GRHL2: variants seen among roughly 807,000 people sequenced by gnomAD.
GRHL2 encodes the protein grainyhead-like protein 2 homolog.
Under a neutral mutation model 83.8 loss-of-function variants are expected in GRHL2, and 21 were observed. That is an observed-to-expected ratio of 0.25 (90% CI 0.18 to 0.36). The LOEUF is 0.36. Ranked by LOEUF, GRHL2 falls within the 10% of genes least tolerant of loss-of-function variation. GRHL2 has a pLI of 1.00. For synonymous variants in GRHL2, 280 were observed against 278.9 expected (o/e 1.00, Z -0.04); for missense variants, 623 against 781.8 (o/e 0.80, Z 2.42).
intron 4 of GRHL2, chr8:101,561,995 AT>A: frequency 1.3e-6 from 1 of 752,276 alleles, no homozygotes; most frequent in African/African-American, 1.7e-5. Context: ...GGTTACAGAG[AT>A]TTTTAAGAAG....
intron 9 of GRHL2, among the ~76,000 whole-genome samples, chr8:101,624,145 A>G (rs962320383): frequency 3.3e-5 from 5 of 151,344 alleles, no homozygotes; most frequent in Non-Finnish European, 7.4e-5. Flanking sequence ...GACAGTTCAC[A>G]GTAGGACAGT....
downstream of GRHL2, among the ~76,000 whole-genome samples, chr8:101,673,764 GCACCA>G (rs1814247333): frequency 6.6e-6 from 1 of 151,790 alleles, no homozygotes; most frequent in African/African-American, 2.4e-5. Context: ...ATTTTTTTCA[GCACCA>G]CACCACACCT....
chr8:101,597,313 G>T (rs913267264), intron 7 of GRHL2, among the ~76,000 whole-genome samples: 1 of 152,112 alleles, frequency 6.6e-6, no homozygotes, highest in African/African-American at 2.4e-5. Context: ...GTAAACTGTG[G>T]CGACAGTCCC....
chr8:101,530,693 T>TTAGAGAGTA (rs1810905537), intron 1 of GRHL2, among the ~76,000 whole-genome samples: 2 of 152,200 alleles, frequency 1.3e-5, no homozygotes, highest in Non-Finnish European at 2.9e-5. Context: ...TGATATGTAC[T>TTAGAGAGTA]CTCTAGATTG....
At chr8:101,519,792 C>T (rs1253060833) in intron 1 of GRHL2, among the ~76,000 whole-genome samples, 2 of 152,036 alleles carry the variant, frequency 1.3e-5, no homozygotes, top group East Asian at 3.8e-4. Flanking sequence ...TATGCATATA[C>T]AGATAAAAGG....
intron 8 of GRHL2, among the ~76,000 whole-genome samples, chr8:101,617,647 G>A (rs1812882753): frequency 1.3e-5 from 2 of 152,248 alleles, no homozygotes; most frequent in Admixed American, 6.5e-5. Flanking sequence ...TGGGACTACA[G>A]GGATGCACCA....
chr8:101,587,857 C>G (rs1471630009), intron 7 of GRHL2, among the ~76,000 whole-genome samples: 1 of 152,228 alleles, frequency 6.6e-6, no homozygotes, highest in Non-Finnish European at 1.5e-5. Context: ...GTTTCTCTCC[C>G]TGTGGCCTTC....
intron 7 of GRHL2, among the ~76,000 whole-genome samples, chr8:101,587,690 C>T (rs1300460117): frequency 6.6e-6 from 1 of 152,082 alleles, no homozygotes; most frequent in African/African-American, 2.4e-5. Context: ...AAACTTCAGG[C>T]ACTCTCATAG....
At chr8:101,562,177 C>G (rs1460073851) in intron 4 of GRHL2, 1 of 615,360 alleles carries the variant, frequency 1.6e-6, no homozygotes, top group East Asian at 3.3e-5. Flanking sequence ...ATAAATTTAG[C>G]TTGGCGTTTC....
chr8:101,502,905 A>C (rs1810260365), intron 1 of GRHL2, among the ~76,000 whole-genome samples: 1 of 151,872 alleles, frequency 6.6e-6, no homozygotes, highest in Admixed American at 6.6e-5. Flanking sequence ...ATTCACAGAC[A>C]CCCACTGTCA....
In GRHL2 at chr8:101,558,725, G is replaced by C; in HGVS notation, c.591G>C (p.Leu197=). ...AGACTCAGTATGACGTGCCCTCGCT[G>C]GCCACCCACAGCGCCTATCTCAAAG... is the stretch of plus-strand genomic sequence containing the variant. ...FEQTQYDVPS[L]ATHSAYLKDD... The change falls in exon 4 of 16, where the codon CTG becomes CTC. Residue 197 remains leucine, a synonymous_variant. Transcript: ENST00000646743. 6.2e-7 allele frequency: 1 copy of C among 1,614,116 alleles called. No individual in the cohort carries two copies. Among genetic ancestry groups the C allele is most frequent in the Non-Finnish European group, 8.5e-7 (1 of 1,180,018 alleles).
rs112650554 is a variant in GRHL2, at chr8:101,619,625, A to C, written c.1185A>C (p.Thr395=). 6.2e-7 allele frequency: 1 copy of C among 1,613,068 alleles called. No homozygotes were observed. The highest frequency in any genetic ancestry group is 1.3e-5 in the African/African-American group (1 of 75,038). Residue 395 remains threonine, a synonymous_variant, in exon 9 of 16, where the codon ACA becomes ACC. Transcript: ENST00000646743. ...KGLPLMIQID[T]YSYNNRSNKP... ...TTCCTTTGATGATTCAGATTGACACATACAGTTATAACAATCGTAGCAATA... is the reference window on the plus strand; with the variant it reads ...TTCCTTTGATGATTCAGATTGACACCTACAGTTATAACAATCGTAGCAATA...
intron 9 of GRHL2, among the ~76,000 whole-genome samples, chr8:101,628,109 T>A (rs1813115826): frequency 6.6e-6 from 1 of 152,150 alleles, no homozygotes; most frequent in African/African-American, 2.4e-5. Flanking sequence ...AAACAACAGA[T>A]TTTCATTGTA....
At chr8:101,615,996 G>T (rs1461754582) in intron 8 of GRHL2, among the ~76,000 whole-genome samples, 1 of 151,642 alleles carries the variant, frequency 6.6e-6, no homozygotes, top group Non-Finnish European at 1.5e-5. Flanking sequence ...TAGGAGAATC[G>T]GACATAGCAT....
chr8:101,573,676 T>C lies in GRHL2; in HGVS notation c.743T>C (p.Phe248Ser), dbSNP rs1432246375. The stretch of plus-strand genomic sequence containing the variant: ...TTTGTTTTCTTTCACAGTGGCACAT[T>C]TCAGTACACCCTGGAAGCCACCAAA... ...YMYDQTSSGT[F>S]QYTLEATKSL... Residue 248 changes from phenylalanine to serine, a missense_variant, in exon 6 of 16, where the codon TTT (phenylalanine) becomes TCT (serine). By Grantham distance (155) the Phe-to-Ser change is radical. Transcript: ENST00000646743. The C allele has an allele frequency of 6.2e-7, 1 of 1,614,126 alleles. No homozygotes were observed. The highest frequency in any genetic ancestry group is 1.7e-5 in the Admixed American group (1 of 60,024).
At chr8:101,536,307 C>T (rs567501531) in intron 1 of GRHL2, among the ~76,000 whole-genome samples, 278 of 152,216 alleles carry the variant, frequency 1.8e-3, no homozygotes, top group African/African-American at 5.9e-3. Context: ...TTTCACTAGC[C>T]TTCAATATGG....
At chr8:101,543,590 C>T (rs1453573153) in intron 2 of GRHL2, 154 bp downstream of exon 2, 1 of 730,204 alleles carries the variant, frequency 1.4e-6, no homozygotes, top group African/African-American at 1.7e-5. Flanking sequence ...TCCTTGCTCC[C>T]TGCTTCCCCA....
chr8:101,639,763 C>A (rs1260654840), intron 12 of GRHL2, among the ~76,000 whole-genome samples: 1 of 152,230 alleles, frequency 6.6e-6, no homozygotes, highest in Non-Finnish European at 1.5e-5. Flanking sequence ...CTGAGGCCAC[C>A]ATATGTGTTC....
chr8:101,619,636 A>G lies in GRHL2; in HGVS notation c.1196A>G (p.Asn399Ser). ...ATTCAGATTGACACATACAGTTATAACAATCGTAGCAATAAACCCATTCAT... is the reference window on the plus strand; with the variant it reads ...ATTCAGATTGACACATACAGTTATAGCAATCGTAGCAATAAACCCATTCAT... ...LMIQIDTYSYNNRSNKPIHRA... is the reference protein window; with the variant it reads ...LMIQIDTYSYSNRSNKPIHRA... Residue 399 changes from asparagine to serine, a missense_variant, in exon 9 of 16, where the codon AAC becomes AGC. By Grantham distance (46) the Asn-to-Ser change is conservative. Transcript: ENST00000646743. The G allele has an allele frequency of 6.2e-7, 1 of 1,613,242 alleles. No individual in the cohort carries two copies. Among genetic ancestry groups the G allele is most frequent in the Non-Finnish European group, 8.5e-7 (1 of 1,179,282 alleles).
Sources: gnomAD v4.1 joint callset for allele counts (sites outside exome capture counted in the v4.1 genomes callset) on GRCh38, gnomAD v4.1.1 for gene constraint, MANE v1.5 for transcripts, NCBI Gene and HGNC (gene_info 2026-07-23, HGNC 2026-07-21) for gene names.